LAMA1: variants seen among roughly 807,000 people sequenced by gnomAD.
The protein encoded by LAMA1 is laminin subunit alpha-1.
A neutral mutation model predicts 348.7 loss-of-function variants in LAMA1; 219 were observed. That is an observed-to-expected ratio of 0.63 (90% CI 0.56 to 0.70). The LOEUF is 0.70. LAMA1 is among the 30% of genes least tolerant of loss of function. The pLI is 0.00. For missense variants in LAMA1, 3,744 were observed against 3,888.0 expected (o/e 0.96, Z 0.99); for synonymous variants, 1,487 against 1,491.0 (o/e 1.00, Z 0.06).
In LAMA1 at chr18:6,986,212, C is replaced by T. The variant is rs201040898; in HGVS notation, c.5304G>A (p.Val1768=). 7 of 1,614,202 alleles carry T rather than the reference C, an allele frequency of 4.3e-6. No individual in the cohort carries two copies. Among genetic ancestry groups the T allele is most frequent in the Non-Finnish European group, 5.9e-6 (7 of 1,180,038 alleles). ...CCTGCATCTTTGCCTCAGCTTCCCT[C>T]ACGAGCGCCTCAGCCGCCTTTAGTT... ...NNELKAAEAL[V]REAEAKMQES... Residue 1768 remains valine (V), a synonymous_variant, in exon 37 of 63, where the codon GTG becomes GTA. Transcript: ENST00000389658.
In LAMA1 at chr18:7,008,577, T is replaced by C; in HGVS notation, c.4033A>G (p.Lys1345Glu). ...TCTTCTGGGTGCAGCTTTTCAGCCTTTCTGCCAACCTCCATTGAAATGTCT... is the reference window on the plus strand; with the variant it reads ...TCTTCTGGGTGCAGCTTTTCAGCCTCTCTGCCAACCTCCATTGAAATGTCT... ...ISDISMEVGR[K>E]AEKLHPEEEV... is the part of the protein sequence containing the mutation. Residue 1345 changes from lysine to glutamate, a missense_variant, in exon 28 of 63, where the codon AAG becomes GAG. Lys to Glu is a moderately conservative substitution (Grantham distance 56). This residue lies in a region of LAMA1 where 1,983 missense variants were observed against 1,934.3 expected (regional missense o/e 1.03). Coordinates refer to ENST00000389658, the MANE Select transcript of LAMA1 (RefSeq NM_005559.4). The C allele has an allele frequency of 6.2e-7, 1 of 1,614,074 alleles. No individual in the cohort carries two copies. Among genetic ancestry groups the C allele is most frequent in the Non-Finnish European group, 8.5e-7 (1 of 1,179,978 alleles).
chr18:6,986,702 T>C (rs573824120), intron 36 of LAMA1, among the ~76,000 whole-genome samples: 7 of 152,282 alleles, frequency 4.6e-5, no homozygotes, highest in Non-Finnish European at 1.0e-4. Flanking sequence ...TCATGTGTAT[T>C]TCAAGTTAAG....
chr18:6,965,950 C>T, intron 49 of LAMA1, 197 bp downstream of exon 49: 2 of 621,532 alleles, frequency 3.2e-6, no homozygotes. Context: ...TCTAAAGGTT[C>T]TACAATGATA....
chr18:7,027,212 C>T (rs139111519), intron 16 of LAMA1, among the ~76,000 whole-genome samples: 9 of 152,094 alleles, frequency 5.9e-5, no homozygotes, highest in Middle Eastern at 3.4e-3. Flanking sequence ...AGAGTACCAG[C>T]GTTACATTGA....
chr18:6,976,991 C>T (rs900934362), intron 44 of LAMA1, among the ~76,000 whole-genome samples: 5 of 152,214 alleles, frequency 3.3e-5, no homozygotes, highest in African/African-American at 1.2e-4. Flanking sequence ...ATAGCAAGGA[C>T]ACTTGAGGTT....
chr18:7,028,640 C>T (rs561983330), intron 16 of LAMA1, among the ~76,000 whole-genome samples: 4 of 152,230 alleles, frequency 2.6e-5, no homozygotes, highest in African/African-American at 9.6e-5. Context: ...ACCTACTAGA[C>T]GAAATCATAG....
chr18:7,068,659 A>G (rs2058133151), intron 3 of LAMA1, among the ~76,000 whole-genome samples: 1 of 152,176 alleles, frequency 6.6e-6, no homozygotes, highest in Admixed American at 6.5e-5. Context: ...GGTCCACTGA[A>G]GACATTAAAA....
chr18:7,093,241 C>G (rs2058246964), intron 1 of LAMA1, among the ~76,000 whole-genome samples: 1 of 152,044 alleles, frequency 6.6e-6, no homozygotes, highest in Non-Finnish European at 1.5e-5. Context: ...ACGGTGAAAC[C>G]CCGTCTCTAC....
chr18:7,008,337 A>G (rs113201115), intron 28 of LAMA1, 151 bp downstream of exon 28: 8 of 894,932 alleles, frequency 8.9e-6, no homozygotes, highest in Non-Finnish European at 1.3e-5. Context: ...TTTGTTATGT[A>G]CATTTTACCA....
chr18:7,076,108 G>A (rs1369543399), intron 3 of LAMA1, among the ~76,000 whole-genome samples: 1 of 152,160 alleles, frequency 6.6e-6, no homozygotes, highest in Non-Finnish European at 1.5e-5. Context: ...CCCTCATGGA[G>A]TATATAGTCT....
Position 7,007,913 on chromosome 18 carries a change from T to TGA in LAMA1, c.4122+574_4122+575insTC, listed in dbSNP as rs147083125. 6.5e-3 allele frequency among the ~76,000 whole-genome samples: 887 copies of TGA among 136,826 alleles called. 5 individuals carry two copies. Among genetic ancestry groups the TGA allele is most frequent in the African/African-American group, 0.017 (701 of 40,096 alleles). The allele number at this position is 136,826 out of a possible 152,430, so 89.8% of individuals were successfully genotyped here. On this transcript the variant is annotated intron_variant, in intron 28 of 62. Coordinates refer to ENST00000389658, the MANE Select transcript of LAMA1 (RefSeq NM_005559.4). ...AAAGACAAGTTCTGTATTACTCCAC[T>TGA]TTTATTTATTTATTTATTTATTTAT...
In LAMA1 at chr18:7,038,885, G is replaced by T. The variant is rs781121049; in HGVS notation, c.1488C>A (p.Asn496Lys). 72 of 1,613,920 alleles carry T rather than the reference G, an allele frequency of 4.5e-5. 1 individual carries two copies. Among genetic ancestry groups the T allele is most frequent in the Middle Eastern group, 3.3e-4 (2 of 6,084 alleles). ...KPGFYNLKEK[N>K]PRGCSECFCF... is the part of the protein sequence containing the mutation. The stretch of plus-strand genomic sequence containing the variant: ...AGAAGCACTCGGAGCAGCCCCGGGG[G>T]TTTTTTTCCTTCAAGTTATAGAATC... The change falls in exon 11 of 63, where the codon AAC (asparagine) becomes AAA (lysine). Residue 496 changes from asparagine (N) to lysine (K), a missense_variant. By Grantham distance (94) the Asn-to-Lys change is moderately conservative. Around this residue, in one of 3 missense-constraint regions of LAMA1, gnomAD observed 1,529 missense variants for 1,689.4 expected, o/e 0.91. Transcript: ENST00000389658.
At chr18:7,000,068 T>C (rs568050916) in intron 30 of LAMA1, 71 bp from the exon 31 acceptor site, 222 of 1,124,760 alleles carry the variant, frequency 2.0e-4, no homozygotes, top group East Asian at 1.7e-3. Flanking sequence ...TACTTATTCA[T>C]TACTCTTAGG....
In LAMA1 at chr18:6,977,330, A is replaced by T. The variant is rs528713726; in HGVS notation, c.6345+397T>A. Among the ~76,000 whole-genome samples, 4 of 152,322 alleles carry T rather than the reference A, an allele frequency of 2.6e-5. No individual in the cohort carries two copies. The South Asian group carries it at 8.3e-4, about 32-fold the overall frequency. On this transcript the variant is annotated intron_variant, in intron 44 of 62. Transcript: ENST00000389658. ...CACAAACATTTTAAGGAATACTTGG[A>T]TTATTAAAACTAAGTTGGTAAAACG...
At chr18:7,011,258 C>T in intron 25 of LAMA1, 42 bp downstream of exon 25, 1 of 1,599,148 alleles carries the variant, frequency 6.3e-7, no homozygotes, top group Non-Finnish European at 8.5e-7. Context: ...TCTGTATATC[C>T]TAGGAAGCAC....
rs756195576 is a variant in LAMA1, at chr18:7,011,400, T to C, written c.3587A>G (p.Tyr1196Cys). The C allele has an allele frequency of 3.7e-6, 6 of 1,610,612 alleles. No individual in the cohort carries two copies. Among genetic ancestry groups the C allele is most frequent in the Admixed American group, 3.4e-5 (2 of 59,548 alleles). ...NLRGTTEGVY[Y>C]QAPDFLLDAA... ...ATCCAGCAGGAAGTCGGGGGCCTGGTAGTAAACCCCCTCGGTCGTGCCCCT... is the reference window on the plus strand; with the variant it reads ...ATCCAGCAGGAAGTCGGGGGCCTGGCAGTAAACCCCCTCGGTCGTGCCCCT... Residue 1196 changes from tyrosine (Y) to cysteine (C), a missense_variant, in exon 25 of 63, where the codon TAC becomes TGC. By Grantham distance (194) the Tyr-to-Cys change is radical. This residue lies in a region of LAMA1 where 1,529 missense variants were observed against 1,689.4 expected (regional missense o/e 0.91). Transcript: ENST00000389658.
intron 43 of LAMA1, 132 bp from the exon 44 acceptor site, chr18:6,978,013 A>G: frequency 7.8e-7 from 1 of 1,289,330 alleles, no homozygotes; most frequent in Admixed American, 1.9e-5. Context: ...TTGTGGTACA[A>G]AGATGAAAAC....
At chr18:7,106,069 G>T (rs1489555957) in intron 1 of LAMA1, among the ~76,000 whole-genome samples, 1 of 152,178 alleles carries the variant, frequency 6.6e-6, no homozygotes, top group South Asian at 2.1e-4. Context: ...AGATGTGTGG[G>T]TGTTGTTATC....
intron 16 of LAMA1, among the ~76,000 whole-genome samples, chr18:7,026,557 A>C (rs1220191096): frequency 6.6e-6 from 1 of 152,332 alleles, no homozygotes; most frequent in East Asian, 1.9e-4. Context: ...ATCAGAATTA[A>C]TATCACCAGT....
Sources: gnomAD v4.1 joint callset for allele counts (sites outside exome capture counted in the v4.1 genomes callset) on GRCh38, gnomAD v4.1.1 for gene constraint, gnomAD v4.1.1 regional missense constraint, MANE v1.5 for transcripts, NCBI Gene and HGNC (gene_info 2026-07-23, HGNC 2026-07-21) for gene names.